The following ZNF438 variants were observed in gnomAD, a reference collection of about 807,000 sequenced individuals.
The protein encoded by ZNF438 is zinc finger protein 438.
In ZNF438, 25 loss-of-function variants were observed where a neutral mutation model predicts 38.0. The ratio of observed to expected loss-of-function variants is 0.66; its 90% CI spans 0.48 to 0.92. ZNF438 has a LOEUF of 0.92. ZNF438 is among the 40% of genes least tolerant of loss of function. The pLI is 0.00. For synonymous variants in ZNF438, 372 were observed against 364.1 expected (o/e 1.02, Z -0.25); for missense variants, 1,007 against 999.6 (o/e 1.01, Z -0.10).
chr10:30,946,399 G>C (rs1011470634), intron 1 of ZNF438, among the ~76,000 whole-genome samples: 18 of 152,192 alleles, frequency 1.2e-4, no homozygotes, highest in African/African-American at 4.3e-4. Flanking sequence ...CCATCAGAGT[G>C]AACAGGCAAC....
intron 3 of ZNF438, among the ~76,000 whole-genome samples, chr10:30,886,617 T>C (rs1215949573): frequency 6.6e-6 from 1 of 152,234 alleles, no homozygotes; most frequent in Non-Finnish European, 1.5e-5. Context: ...GCCTGTTTTA[T>C]AATAAAGTGT....
intron 3 of ZNF438, among the ~76,000 whole-genome samples, chr10:30,898,531 C>A (rs1015270477): frequency 6.6e-6 from 1 of 151,912 alleles, no homozygotes; most frequent in Non-Finnish European, 1.5e-5. Flanking sequence ...TGTGCATATA[C>A]ACACACATAT....
At chr10:30,994,248 A>T (rs1408508299) in intron 1 of ZNF438, among the ~76,000 whole-genome samples, 1 of 152,204 alleles carries the variant, frequency 6.6e-6, no homozygotes, top group African/African-American at 2.4e-5. Context: ...AGAAGGACAT[A>T]AATTTTGGGT....
At chr10:30,970,430 C>T (rs942898722) in intron 1 of ZNF438, among the ~76,000 whole-genome samples, 4 of 152,244 alleles carry the variant, frequency 2.6e-5, no homozygotes, top group Admixed American at 2.6e-4. Flanking sequence ...GACCCTACAG[C>T]TGTATGAAGT....
chr10:30,969,103 T>C (rs1414053053), intron 1 of ZNF438, among the ~76,000 whole-genome samples: 1 of 152,150 alleles, frequency 6.6e-6, no homozygotes, highest in South Asian at 2.1e-4. Context: ...GATTTTTTTT[T>C]CATTGGTATA....
At chr10:30,875,601 T>C (rs2038292342) in intron 4 of ZNF438, 1 of 983,828 alleles carries the variant, frequency 1.0e-6, no homozygotes, top group Non-Finnish European at 1.2e-6. Context: ...AGAGGATATA[T>C]ACCAGAGAAC....
chr10:30,942,887 A>G (rs981143882), intron 1 of ZNF438, among the ~76,000 whole-genome samples: 1 of 152,246 alleles, frequency 6.6e-6, no homozygotes, highest in Non-Finnish European at 1.5e-5. Flanking sequence ...ACGAAAGAAG[A>G]GCAAAAGAAG....
chr10:30,994,152 C>G (rs1427323786), intron 1 of ZNF438, among the ~76,000 whole-genome samples: 1 of 152,200 alleles, frequency 6.6e-6, no homozygotes, highest in Non-Finnish European at 1.5e-5. Flanking sequence ...TTACATGAGA[C>G]TTGGAACTTT....
At chr10:30,954,830 ACT>A (rs1228317622) in intron 1 of ZNF438, among the ~76,000 whole-genome samples, 2 of 152,130 alleles carry the variant, frequency 1.3e-5, no homozygotes, top group Non-Finnish European at 2.9e-5. Flanking sequence ...AGGCTTTTGG[ACT>A]CTCAAATTTC....
At chr10:30,977,564 C>G (rs1023946060) in intron 1 of ZNF438, among the ~76,000 whole-genome samples, 3 of 152,170 alleles carry the variant, frequency 2.0e-5, no homozygotes, top group African/African-American at 7.2e-5. Context: ...TGATCTTACA[C>G]ACATTACCAT....
chr10:31,006,423 G>A (rs183892071), intron 1 of ZNF438, among the ~76,000 whole-genome samples: 68 of 152,264 alleles, frequency 4.5e-4, no homozygotes, highest in African/African-American at 1.5e-3. Context: ...ATGGAGGTTC[G>A]CAAATGGTGG....
chr10:30,930,820 A>AAAAAAAAAAAAAAAAAAAAAAAAAAAAC (rs2045590334), intron 2 of ZNF438, among the ~76,000 whole-genome samples: 1 of 121,202 alleles, frequency 8.3e-6, no homozygotes. Context: ...AAAAAAAAAA[A>AAAAAAAAAAAAAAAAAAAAAAAAAAAAC]AAAAAAAAAA....
At chr10:30,881,411 G>A (rs923421762) in intron 3 of ZNF438, among the ~76,000 whole-genome samples, 8 of 152,070 alleles carry the variant, frequency 5.3e-5, no homozygotes, top group Admixed American at 3.9e-4. Flanking sequence ...AATAATTAAG[G>A]ATAAGCCTGG....
intron 1 of ZNF438, among the ~76,000 whole-genome samples, chr10:30,948,246 C>G (rs1421972530): frequency 1.3e-5 from 2 of 152,186 alleles, no homozygotes; most frequent in Admixed American, 6.5e-5. Flanking sequence ...AAAAACCCAT[C>G]TGTACATCAC....
chr10:30,866,215 T>C (rs948208566), intron 4 of ZNF438, among the ~76,000 whole-genome samples: 1 of 152,214 alleles, frequency 6.6e-6, no homozygotes, highest in Admixed American at 6.5e-5. Flanking sequence ...CATATGGAAA[T>C]AGGACTGTTG....
chr10:30,952,415 T>C (rs1179412890), intron 1 of ZNF438, among the ~76,000 whole-genome samples: 1 of 152,048 alleles, frequency 6.6e-6, no homozygotes, highest in Non-Finnish European at 1.5e-5. Context: ...TCTAATTAAA[T>C]TAAAGAGCTT....
intron 1 of ZNF438, among the ~76,000 whole-genome samples, chr10:31,028,310 T>A (rs2057071375): frequency 6.6e-6 from 1 of 152,042 alleles, no homozygotes; most frequent in Admixed American, 6.6e-5. Flanking sequence ...TCAAGCCAAC[T>A]CCCTTATTTC....
intron 1 of ZNF438, among the ~76,000 whole-genome samples, chr10:30,981,765 C>T (rs1309218799): frequency 6.6e-6 from 1 of 151,868 alleles, no homozygotes; most frequent in Admixed American, 6.6e-5. Flanking sequence ...GTAATCCCAG[C>T]TGCTCAGGAG....
intron 1 of ZNF438, among the ~76,000 whole-genome samples, chr10:30,962,355 A>G (rs2049590941): frequency 6.8e-6 from 1 of 147,538 alleles, no homozygotes; most frequent in African/African-American, 2.4e-5. Flanking sequence ...ATAGAAAAAG[A>G]CATAAGCAAC....
Sources: gnomAD v4.1 joint callset for allele counts (sites outside exome capture counted in the v4.1 genomes callset) on GRCh38, gnomAD v4.1.1 for gene constraint, MANE v1.5 for transcripts, NCBI Gene and HGNC (gene_info 2026-07-23, HGNC 2026-07-21) for gene names.